The following PRR5L variants were observed in gnomAD, a reference collection of about 807,000 sequenced individuals.
PRR5L encodes proline-rich protein 5-like.
Under a neutral mutation model 36.4 loss-of-function variants are expected in PRR5L, and 21 were observed. The observed-to-expected ratio is 0.58, with a 90% confidence interval of 0.41 to 0.83. The LOEUF (loss-of-function observed/expected upper bound fraction) is 0.83. PRR5L is among the 40% of genes least tolerant of loss of function. The pLI, the probability that PRR5L is intolerant of heterozygous loss-of-function variation, is 0.00. For missense variants in PRR5L, 381 were observed against 473.3 expected (o/e 0.80, Z 1.81); for synonymous variants, 188 against 197.0 (o/e 0.95, Z 0.38).
At chr11:36,454,021 G>A (rs1858997686) in intron 8 of PRR5L, 1 of 152,614 alleles carries the variant, frequency 6.6e-6, no homozygotes, top group Non-Finnish European at 1.5e-5. Flanking sequence ...CCTCGTCCTG[G>A]GTATGGTGCT....
At chr11:36,314,951 CAT>C (rs1386874683) in intron 1 of PRR5L, among the ~76,000 whole-genome samples, 2 of 152,200 alleles carry the variant, frequency 1.3e-5, no homozygotes, top group African/African-American at 2.4e-5. Flanking sequence ...GATTGCAAAA[CAT>C]AGAACAGCGC....
At chr11:36,397,898 C>T (rs780840739) in intron 1 of PRR5L, among the ~76,000 whole-genome samples, 36 of 152,144 alleles carry the variant, frequency 2.4e-4, no homozygotes, top group East Asian at 7.7e-4. Context: ...CAGGTTCAAG[C>T]GATTCTCCTG....
At chr11:36,371,930 C>T (rs56244603) in intron 1 of PRR5L, among the ~76,000 whole-genome samples, 5,678 of 152,044 alleles carry the variant, frequency 0.037, 358 homozygotes, top group African/African-American at 0.13. Context: ...TGGTGGTGCA[C>T]GCCTGTAATC....
chr11:36,311,109 A>G (rs542987130), intron 1 of PRR5L, among the ~76,000 whole-genome samples: 1 of 151,196 alleles, frequency 6.6e-6, no homozygotes, highest in Admixed American at 6.6e-5. Flanking sequence ...GGAGAATGGG[A>G]GGAAGGAAGA....
intron 3 of PRR5L, among the ~76,000 whole-genome samples, chr11:36,413,137 T>C (rs902688428): frequency 7.9e-5 from 12 of 152,186 alleles, no homozygotes; most frequent in African/African-American, 1.7e-4. Flanking sequence ...ACAGAGTATA[T>C]ACATGGATTG....
Position 36,401,113 on chromosome 11 carries a change from C to G in PRR5L, c.-9C>G, listed in dbSNP as rs373714586. The G allele has an allele frequency of 3.7e-6, 6 of 1,613,958 alleles. No homozygotes were observed. The South Asian group carries it at 5.5e-5, about 15-fold the overall frequency. ...TCCTAGAGGTGAAGCTGAACTGTCACCAGGACTTATGACCCGCGGCTTCGC... is the reference window on the plus strand; with the variant it reads ...TCCTAGAGGTGAAGCTGAACTGTCAGCAGGACTTATGACCCGCGGCTTCGC... On this transcript the variant is annotated 5_prime_UTR_variant, in exon 2 of 9. Transcript: ENST00000530639.
At chr11:36,357,569 A>C (rs1857040897) in intron 1 of PRR5L, among the ~76,000 whole-genome samples, 1 of 152,162 alleles carries the variant, frequency 6.6e-6, no homozygotes, top group Non-Finnish European at 1.5e-5. Context: ...CCTTTTTCAA[A>C]ATCCTAGGGC....
At chr11:36,307,693 G>A (rs1856449694) in intron 1 of PRR5L, among the ~76,000 whole-genome samples, 1 of 152,182 alleles carries the variant, frequency 6.6e-6, no homozygotes, top group African/African-American at 2.4e-5. Context: ...ACGCACAAAT[G>A]TTCGCAGTGA....
intron 1 of PRR5L, among the ~76,000 whole-genome samples, chr11:36,351,483 TTATATA>T (rs1429430121): frequency 5.5e-5 from 2 of 36,644 alleles, no homozygotes; most frequent in African/African-American, 2.4e-4. Context: ...ACATATATAT[TTATATA>T]TTTATATATA....
chr11:36,381,445 T>A (rs568463283), intron 1 of PRR5L, among the ~76,000 whole-genome samples: 166 of 69,824 alleles, frequency 2.4e-3, no homozygotes, highest in Non-Finnish European at 3.9e-3. Context: ...GGGGGCAGGG[T>A]AGGGGTGGGT....
At position 36,437,562 on chromosome 11, in the gene PRR5L, T is replaced by C; in HGVS notation, c.444+86T>C. On this transcript the variant is annotated intron_variant, in intron 6 of 8. Transcript: ENST00000530639. ...TTGCGGCCTGAGGGCTCCTGGTAAA[T>C]GGGAGAAAACTTGGAGATTGGGCGC... The C allele has an allele frequency of 5.1e-6, 4 of 790,874 alleles. No individual in the cohort carries two copies. The East Asian group carries it at 1.0e-4, about 20-fold the overall frequency. The allele number at this position is 790,874 out of a possible 1,614,324, so 49.0% of individuals were successfully genotyped here.
chr11:36,354,460 T>C (rs1857005888), intron 1 of PRR5L, among the ~76,000 whole-genome samples: 1 of 152,186 alleles, frequency 6.6e-6, no homozygotes, highest in Admixed American at 6.5e-5. Context: ...GCATCTGCGG[T>C]GGGTTTTGAG....
At chr11:36,341,599 C>G (rs911845920) in intron 1 of PRR5L, among the ~76,000 whole-genome samples, 1 of 152,178 alleles carries the variant, frequency 6.6e-6, no homozygotes, top group Admixed American at 6.5e-5. Flanking sequence ...CTGGAGCTCC[C>G]AATTCTGAAT....
intron 7 of PRR5L, 84 bp downstream of exon 7, chr11:36,446,524 C>A (rs2133618377): frequency 5.9e-6 from 9 of 1,538,118 alleles, no homozygotes; most frequent in Non-Finnish European, 8.0e-6. Flanking sequence ...GGGGAAGGAA[C>A]CTAGTGACCA....
chr11:36,454,769 C>G (rs924156131), intron 8 of PRR5L: 1 of 152,714 alleles, frequency 6.5e-6, no homozygotes, highest in African/African-American at 2.4e-5. Context: ...TTTGACTGCA[C>G]GAGGATTCTC....
chr11:36,415,679 G>A (rs1339748959), intron 3 of PRR5L, among the ~76,000 whole-genome samples: 1 of 152,226 alleles, frequency 6.6e-6, no homozygotes, highest in African/African-American at 2.4e-5. Context: ...GGGAGGCAGA[G>A]GTTGCAGTGA....
At position 36,421,076 on chromosome 11, in the gene PRR5L, T is replaced by G. The variant is rs529216284; in HGVS notation, c.294+1773T>G. Among the ~76,000 whole-genome samples, 10 of 152,318 alleles carry G rather than the reference T, an allele frequency of 6.6e-5. No individual in the cohort carries two copies. The East Asian group carries it at 1.9e-3, about 29-fold the overall frequency. ...AAAGGTCAGTCTTGGCCTCACTCTCTTCTCTTGCTGTCTCTACTGATTGAT... is the reference window on the plus strand; with the variant it reads ...AAAGGTCAGTCTTGGCCTCACTCTCGTCTCTTGCTGTCTCTACTGATTGAT... On this transcript the variant is annotated intron_variant, in intron 4 of 8. Coordinates refer to ENST00000530639, the MANE Select transcript of PRR5L (RefSeq NM_001160167.2).
intron 3 of PRR5L, among the ~76,000 whole-genome samples, chr11:36,408,861 T>C (rs1468687542): frequency 3.3e-5 from 5 of 152,208 alleles, no homozygotes; most frequent in Non-Finnish European, 7.4e-5. Context: ...AATGTTCTTA[T>C]AAGTGCTTTC....
intron 1 of PRR5L, among the ~76,000 whole-genome samples, chr11:36,341,984 AC>A (rs1408624246): frequency 1.3e-5 from 2 of 152,200 alleles, no homozygotes; most frequent in African/African-American, 4.8e-5. Context: ...GTTTCAAAGT[AC>A]CTACTGTTTG....
Sources: allele counts gnomAD v4.1 joint callset (sites outside exome capture counted in the v4.1 genomes callset), GRCh38; gene constraint gnomAD v4.1.1; transcripts MANE v1.5; gene names NCBI Gene and HGNC (gene_info 2026-07-23, HGNC 2026-07-21).